PRKN: variants seen among roughly 807,000 people sequenced by gnomAD.
The protein encoded by PRKN is E3 ubiquitin-protein ligase parkin.
PRKN carries 56 observed loss-of-function variants against 59.5 expected under a neutral mutation model. That is an observed-to-expected ratio of 0.94 (90% confidence interval 0.76 to 1.18). PRKN has a LOEUF of 1.18. PRKN is among the 50% of genes most tolerant of loss of function. PRKN has a pLI of 0.00. For missense variants in PRKN, 657 were observed against 596.4 expected, an observed-to-expected ratio of 1.10 and a Z score of -1.06; for synonymous variants, 250 against 222.1, an observed-to-expected ratio of 1.13 and a Z score of -1.12.
rs1429192741 is a variant in PRKN, at chr6:161,533,065, T to C, written c.1083+15789A>G. 6.6e-6 allele frequency among the ~76,000 whole-genome samples: 1 copy of C among 152,182 alleles called. No individual in the cohort carries two copies. Among genetic ancestry groups the C allele is most frequent in the Non-Finnish European group, 1.5e-5 (1 of 68,030 alleles). On this transcript the variant is annotated intron_variant, in intron 9 of 11. Transcript: ENST00000366898. The surrounding 1 kb of genome is among the most constrained non-coding windows in gnomAD (Gnocchi z 4.1). ...GCAGCATAATAAAGATGGGTGAGTA[T>C]AAATATTCTATAGTGTACCATATTA...
At chr6:161,886,916 G>T (rs1795176717) in intron 6 of PRKN, among the ~76,000 whole-genome samples, 2 of 151,756 alleles carry the variant, frequency 1.3e-5, no homozygotes, top group African/African-American at 2.4e-5. Context: ...ATCATACAAA[G>T]AAAATACTGT....
At chr6:162,617,803 A>G (rs1285329766) in intron 1 of PRKN, among the ~76,000 whole-genome samples, 2 of 152,190 alleles carry the variant, frequency 1.3e-5, no homozygotes, top group Non-Finnish European at 1.5e-5. Context: ...AACCATAGTA[A>G]TAACTAACAA....
intron 1 of PRKN, among the ~76,000 whole-genome samples, chr6:162,562,560 A>T (rs1168045695): frequency 6.6e-6 from 1 of 152,190 alleles, no homozygotes; most frequent in African/African-American, 2.4e-5. Context: ...CTAGTCTGGC[A>T]GTACTCCTCA....
At chr6:161,701,947 T>C (rs1202298493) in intron 7 of PRKN, among the ~76,000 whole-genome samples, 2 of 152,210 alleles carry the variant, frequency 1.3e-5, no homozygotes, top group African/African-American at 2.4e-5. Context: ...ACAAGCCGCA[T>C]ACACTTAGGG....
At chr6:162,629,437 T>C (rs1421926350) in intron 1 of PRKN, among the ~76,000 whole-genome samples, 2 of 152,132 alleles carry the variant, frequency 1.3e-5, no homozygotes, top group African/African-American at 2.4e-5. Flanking sequence ...CCTCTCTTCA[T>C]ACATTTTTGT....
chr6:161,500,769 T>C (rs539725556), intron 9 of PRKN, among the ~76,000 whole-genome samples: 2 of 152,186 alleles, frequency 1.3e-5, no homozygotes, highest in East Asian at 3.9e-4. Context: ...AATATCTGTA[T>C]GAAGGTTTAG....
In PRKN at chr6:161,521,008, C is replaced by T. The variant is rs79026763; in HGVS notation, c.1083+27846G>A. ...ATCATTGGTCATTATTACGAATAAA[C>T]TCATGTTTACTGGCCTCTTCTCCCG... On this transcript the variant is annotated intron_variant, in intron 9 of 11. Coordinates refer to ENST00000366898, the MANE Select transcript of PRKN (RefSeq NM_004562.3). Among the ~76,000 whole-genome samples, 30 of 152,288 alleles carry T rather than the reference C, an allele frequency of 2.0e-4. No homozygotes were observed. In the East Asian group the frequency reaches 5.6e-3, roughly 28 times the overall value.
intron 4 of PRKN, among the ~76,000 whole-genome samples, chr6:162,141,433 T>C (rs1781777645): frequency 6.6e-6 from 1 of 152,214 alleles, no homozygotes; most frequent in Admixed American, 6.5e-5. Flanking sequence ...ATACTTCAAC[T>C]GTGCAATCTA....
chr6:161,840,353 G>A (rs1792933126), intron 6 of PRKN, among the ~76,000 whole-genome samples: 1 of 152,186 alleles, frequency 6.6e-6, no homozygotes, highest in African/African-American at 2.4e-5. Flanking sequence ...CATCTACCTG[G>A]TTAGGGGGCA....
At chr6:161,993,640 A>G (rs1343970194) in intron 5 of PRKN, among the ~76,000 whole-genome samples, 2 of 152,238 alleles carry the variant, frequency 1.3e-5, no homozygotes, top group African/African-American at 2.4e-5. Context: ...GGATACAAGA[A>G]CAAAAGAAAG....
intron 7 of PRKN, among the ~76,000 whole-genome samples, chr6:161,735,344 C>T (rs1185275564): frequency 4.6e-5 from 7 of 152,092 alleles, no homozygotes; most frequent in Non-Finnish European, 7.3e-5. Context: ...TATGATGATC[C>T]ACTTCCACTT....
At chr6:161,982,211 A>G (rs1781285580) in intron 5 of PRKN, among the ~76,000 whole-genome samples, 1 of 152,184 alleles carries the variant, frequency 6.6e-6, no homozygotes, top group South Asian at 2.1e-4. Context: ...TGATTCCTGA[A>G]AAGTAAAATA....
intron 7 of PRKN, among the ~76,000 whole-genome samples, chr6:161,629,722 T>C (rs9458320): frequency 0.058 from 8,771 of 151,698 alleles, 873 homozygotes; most frequent in African/African-American, 0.2. Flanking sequence ...CCCACCCACC[T>C]AGCAAATGCC....
chr6:162,231,076 C>T (rs147274309), intron 3 of PRKN, among the ~76,000 whole-genome samples: 258 of 152,264 alleles, frequency 1.7e-3, no homozygotes, highest in African/African-American at 5.7e-3. Flanking sequence ...AGAGGAAATT[C>T]GCTCCTCACT....
chr6:162,373,611 T>A (rs978050204), intron 2 of PRKN, among the ~76,000 whole-genome samples: 2 of 152,162 alleles, frequency 1.3e-5, no homozygotes, highest in Non-Finnish European at 2.9e-5. Flanking sequence ...AACTGATGAC[T>A]GCCTATGTAA....
At chr6:161,645,963 A>G (rs1423997233) in intron 7 of PRKN, among the ~76,000 whole-genome samples, 1 of 139,760 alleles carries the variant, frequency 7.2e-6, no homozygotes, top group Non-Finnish European at 1.6e-5. Context: ...GTGGCGTATC[A>G]GTGACAGTGG....
rs142467451 is a variant in PRKN at position 162,098,277 on chromosome 6, G to A, written c.535-44103C>T. Among the ~76,000 whole-genome samples the A allele has an allele frequency of 1.5e-4, 23 of 152,226 alleles. No individual in the cohort carries two copies. The East Asian group carries it at 4.0e-3, about 27-fold the overall frequency. On this transcript the variant is annotated intron_variant, in intron 4 of 11. Transcript: ENST00000366898. ...TCAATGCTGGCACACAGGAATGTCC[G>A]CTTTTCCCAAATGTTACCTGTGACC...
chr6:162,555,692 A>C (rs1466286056), intron 1 of PRKN, among the ~76,000 whole-genome samples: 1 of 152,134 alleles, frequency 6.6e-6, no homozygotes, highest in Non-Finnish European at 1.5e-5. Flanking sequence ...TTCATAATTA[A>C]AGTTTCTAAA....
chr6:162,314,448 G>A (rs891964813), intron 2 of PRKN, among the ~76,000 whole-genome samples: 1 of 152,090 alleles, frequency 6.6e-6, no homozygotes, highest in Non-Finnish European at 1.5e-5. Context: ...TCTGACCACT[G>A]TTCTAATTTT....
Sources: gnomAD v4.1 joint callset for allele counts (sites outside exome capture counted in the v4.1 genomes callset) on GRCh38, gnomAD v4.1.1 for gene constraint, Gnocchi (gnomAD v3.1) non-coding constraint, MANE v1.5 for transcripts, NCBI Gene and HGNC (gene_info 2026-07-23, HGNC 2026-07-21) for gene names.